The following UTRN variants were observed in gnomAD, a reference collection of about 807,000 sequenced individuals.
UTRN encodes utrophin.
A neutral mutation model predicts 463.9 loss-of-function variants in UTRN; 283 were observed. The observed-to-expected ratio is 0.61, with a 90% CI of 0.55 to 0.67. The LOEUF (loss-of-function observed/expected upper bound fraction) is 0.67. Among genes scored for constraint, UTRN ranks in the 30% least tolerant of loss-of-function variants. The pLI, the probability that UTRN is intolerant of heterozygous loss-of-function variation, is 0.00. For missense variants in UTRN, 3,922 were observed against 4,084.3 expected, an observed-to-expected ratio of 0.96 and a Z score of 1.08; for synonymous variants, 1,442 against 1,431.5, an observed-to-expected ratio of 1.01 and a Z score of -0.17.
chr6:144,615,772 ATACAT>A (rs1259119995), intron 51 of UTRN, among the ~76,000 whole-genome samples: 1 of 149,836 alleles, frequency 6.7e-6, no homozygotes, highest in East Asian at 2.7e-4. Flanking sequence ...TTTGAAGCAA[ATACAT>A]AACATAAGTT....
chr6:144,396,226 A>G (rs1027325122), intron 2 of UTRN, among the ~76,000 whole-genome samples: 6 of 152,262 alleles, frequency 3.9e-5, no homozygotes, highest in African/African-American at 1.4e-4. Flanking sequence ...ACAAGCTACA[A>G]CATGGATGAA....
At chr6:144,476,249 C>T (rs940667028) in intron 25 of UTRN, among the ~76,000 whole-genome samples, 19 of 151,266 alleles carry the variant, frequency 1.3e-4, no homozygotes, top group South Asian at 4.2e-4. Context: ...CCATTGCACT[C>T]GGCCTCTCTC....
At chr6:144,471,072 G>A (rs1790588198) in intron 23 of UTRN, among the ~76,000 whole-genome samples, 1 of 101,024 alleles carries the variant, frequency 9.9e-6, no homozygotes, top group African/African-American at 3.9e-5. Context: ...GAGGGGGAGG[G>A]GGCGAGGGAG....
At chr6:144,508,871 G>A (rs979701011) in intron 34 of UTRN, among the ~76,000 whole-genome samples, 1 of 152,228 alleles carries the variant, frequency 6.6e-6, no homozygotes, top group African/African-American at 2.4e-5. Context: ...GACATGCTAA[G>A]TTCATATATT....
chr6:144,495,599 C>T (rs1172892871), intron 33 of UTRN, among the ~76,000 whole-genome samples: 1 of 152,208 alleles, frequency 6.6e-6, no homozygotes, highest in South Asian at 2.1e-4. Context: ...CACAGTGCAG[C>T]GGTGGGCTGA....
chr6:144,546,786 G>A (rs78382631), intron 46 of UTRN, among the ~76,000 whole-genome samples: 4,080 of 152,178 alleles, frequency 0.027, 189 homozygotes, highest in African/African-American at 0.092. Context: ...CCCAGCCTGG[G>A]TGACAGAGTG....
chr6:144,761,355 T>C (rs1247592949), intron 58 of UTRN, among the ~76,000 whole-genome samples: 1 of 152,116 alleles, frequency 6.6e-6, no homozygotes, highest in African/African-American at 2.4e-5. Context: ...TATTCAGGGT[T>C]TAAGAACATT....
intron 53 of UTRN, among the ~76,000 whole-genome samples, chr6:144,719,534 G>A (rs147804539): frequency 0.023 from 3,450 of 152,198 alleles, 135 homozygotes; most frequent in African/African-American, 0.079. Context: ...CCGAAATGGC[G>A]CCATTGCACT....
intron 2 of UTRN, among the ~76,000 whole-genome samples, chr6:144,386,717 C>A (rs1367508118): frequency 3.3e-5 from 5 of 152,026 alleles, no homozygotes; most frequent in Admixed American, 1.3e-4. Context: ...GTTTTTCCTG[C>A]TTATTATAAA....
chr6:144,485,762 T>C (rs1437639673), intron 28 of UTRN, among the ~76,000 whole-genome samples: 1 of 152,232 alleles, frequency 6.6e-6, no homozygotes, highest in African/African-American at 2.4e-5. Context: ...ATTTTAGACA[T>C]GTTGAAGCAC....
rs147962062 is a variant in UTRN, at chr6:144,493,596, C to T, written c.4593+140C>T. On this transcript the variant is annotated intron_variant, in intron 33 of 74. Coordinates refer to ENST00000367545, the MANE Select transcript of UTRN (RefSeq NM_007124.3). ...ATGTTTGAAAATTATGAGATTCATA[C>T]GTGTTTTCAATTTATTGTAATAATT... The T allele has an allele frequency of 3.2e-3, 2,807 of 879,074 alleles. 8 individuals are homozygous for T. The highest frequency in any genetic ancestry group is 3.9e-3 in the Non-Finnish European group (2,353 of 606,096). 54.5% of individuals were successfully genotyped at this position (879,074 alleles called of 1,614,324 possible).
At chr6:144,831,578 T>G (rs1331961404) in intron 69 of UTRN, among the ~76,000 whole-genome samples, 1 of 152,176 alleles carries the variant, frequency 6.6e-6, no homozygotes, top group Non-Finnish European at 1.5e-5. Flanking sequence ...CACCCATATA[T>G]CTATTACAAT....
intron 52 of UTRN, 103 bp from the exon 53 acceptor site, chr6:144,699,984 C>G: frequency 8.8e-7 from 1 of 1,135,156 alleles, no homozygotes; most frequent in Non-Finnish European, 1.2e-6. Context: ...GTAAACATTA[C>G]TTGGTCAGAT....
intron 51 of UTRN, among the ~76,000 whole-genome samples, chr6:144,662,548 CT>C: frequency 1.3e-5 from 2 of 152,322 alleles, no homozygotes; most frequent in East Asian, 3.9e-4. Context: ...CGATTTACCA[CT>C]TTTCATATCA....
At chr6:144,646,369 A>C (rs1202965378) in intron 51 of UTRN, among the ~76,000 whole-genome samples, 2 of 152,074 alleles carry the variant, frequency 1.3e-5, no homozygotes, top group Non-Finnish European at 2.9e-5. Context: ...TTAATTGGAG[A>C]CTTTTTTCCA....
At chr6:144,660,514 G>A (rs1779766470) in intron 51 of UTRN, among the ~76,000 whole-genome samples, 1 of 151,682 alleles carries the variant, frequency 6.6e-6, no homozygotes, top group Non-Finnish European at 1.5e-5. Flanking sequence ...TTCCACATCA[G>A]AAGAAACTCT....
At chr6:144,471,101 A>C (rs1481264217) in intron 23 of UTRN, among the ~76,000 whole-genome samples, 18 of 109,846 alleles carry the variant, frequency 1.6e-4, no homozygotes, top group Non-Finnish European at 2.9e-4. Flanking sequence ...GGAGAGGGAG[A>C]GGGAGAGGGA....
chr6:144,663,778 A>G (rs1408535483), intron 51 of UTRN, among the ~76,000 whole-genome samples: 2 of 152,204 alleles, frequency 1.3e-5, no homozygotes, highest in Admixed American at 1.3e-4. Flanking sequence ...GAATTACTTT[A>G]TGGCATTTAC....
intron 66 of UTRN, among the ~76,000 whole-genome samples, chr6:144,822,614 A>G (rs1009160899): frequency 6.6e-6 from 1 of 152,160 alleles, no homozygotes; most frequent in Non-Finnish European, 1.5e-5. Context: ...AGCTGTTCGA[A>G]TACATTCAGG....
Sources: gnomAD v4.1 joint callset for allele counts (sites outside exome capture counted in the v4.1 genomes callset) on GRCh38, gnomAD v4.1.1 for gene constraint, MANE v1.5 for transcripts, NCBI Gene and HGNC (gene_info 2026-07-23, HGNC 2026-07-21) for gene names.